Variants in MDGA2 observed in about 807,000 individuals in gnomAD.
MDGA2 encodes MAM domain containing glycosylphosphatidylinositol anchor 2.
In MDGA2, 40 loss-of-function variants were observed where a neutral mutation model predicts 117.8. The observed-to-expected ratio is 0.34, with a 90% CI of 0.26 to 0.44. MDGA2 has a LOEUF of 0.44. Among genes scored for constraint, MDGA2 ranks in the 20% least tolerant of loss-of-function variants. The pLI, the probability that MDGA2 is intolerant of heterozygous loss-of-function variation, is 1.00. For synonymous variants in MDGA2, 452 were observed against 439.0 expected, an observed-to-expected ratio of 1.03 and a Z score of -0.37; for missense variants, 1,123 against 1,250.6, an observed-to-expected ratio of 0.90 and a Z score of 1.54.
At chr14:47,425,288 G>C (rs1892664483) in intron 1 of MDGA2, among the ~76,000 whole-genome samples, 1 of 152,080 alleles carries the variant, frequency 6.6e-6, no homozygotes, top group African/African-American at 2.4e-5. Flanking sequence ...GGTAAAACAG[G>C]TTTTAAATAT....
intron 12 of MDGA2, among the ~76,000 whole-genome samples, chr14:46,876,837 T>A (rs557522325): frequency 6.6e-6 from 1 of 151,754 alleles, no homozygotes; most frequent in Non-Finnish European, 1.5e-5. Context: ...TTTTAGAATA[T>A]GTCTTCATAG....
chr14:47,582,556 A>C (rs1896248138), intron 1 of MDGA2, among the ~76,000 whole-genome samples: 1 of 151,906 alleles, frequency 6.6e-6, no homozygotes, highest in Admixed American at 6.6e-5. Flanking sequence ...TTTAGTGATT[A>C]TAATATTTTG....
intron 3 of MDGA2, among the ~76,000 whole-genome samples, chr14:47,149,178 T>C (rs1309963164): frequency 6.6e-6 from 1 of 152,074 alleles, no homozygotes; most frequent in African/African-American, 2.4e-5. Flanking sequence ...TAGTCCCAGC[T>C]AGTCAGGACG....
At chr14:47,049,121 T>C (rs1043642983) in intron 7 of MDGA2, among the ~76,000 whole-genome samples, 3 of 152,098 alleles carry the variant, frequency 2.0e-5, no homozygotes, top group African/African-American at 7.2e-5. Context: ...TAGAAAGCCA[T>C]GGTAAAAGTG....
At position 47,661,746 on chromosome 14, in the gene MDGA2, C is replaced by CTTTTTTT. The variant is rs1172717995; in HGVS notation, c.280+12764_280+12770dup. The stretch of plus-strand genomic sequence containing the variant: ...GCAAAAAACGAAGTAATCAGAGTTT[C>CTTTTTTT]TTTTTTTTTTTTTTTTTTTTTTGAG... On this transcript the variant is annotated intron_variant, in intron 1 of 16. Coordinates refer to ENST00000399232, the MANE Select transcript of MDGA2 (RefSeq NM_001113498.3). 1.1e-4 allele frequency among the ~76,000 whole-genome samples: 11 copies of CTTTTTTT among 97,208 alleles called. 1 individual carries two copies. The highest frequency in any genetic ancestry group is 4.0e-4 in the Admixed American group (3 of 7,492). 63.8% of individuals were successfully genotyped at this position (97,208 alleles called of 152,430 possible). A position where few individuals can be genotyped will look rare whatever the true frequency, so the allele number is the denominator to read the frequency against.
At chr14:47,357,503 T>G (rs183148745) in intron 1 of MDGA2, among the ~76,000 whole-genome samples, 2 of 152,328 alleles carry the variant, frequency 1.3e-5, no homozygotes, top group East Asian at 3.9e-4. Flanking sequence ...TACCTTCTGT[T>G]GCACCTGGGT....
At chr14:47,148,975 T>G (rs956517219) in intron 3 of MDGA2, among the ~76,000 whole-genome samples, 3 of 152,154 alleles carry the variant, frequency 2.0e-5, no homozygotes, top group Admixed American at 2.0e-4. Flanking sequence ...TTAGATATAT[T>G]TGAACAAGCC....
intron 7 of MDGA2, among the ~76,000 whole-genome samples, chr14:47,057,994 G>A (rs747480734): frequency 5.3e-5 from 8 of 152,024 alleles, no homozygotes; most frequent in Non-Finnish European, 1.0e-4. Context: ...TTACTTCCCT[G>A]AAATATTTTG....
intron 9 of MDGA2, among the ~76,000 whole-genome samples, chr14:46,924,003 T>C (rs1884231033): frequency 6.6e-6 from 1 of 152,066 alleles, no homozygotes; most frequent in Non-Finnish European, 1.5e-5. Flanking sequence ...TCCTATACTA[T>C]GTTGTTCCAA....
In MDGA2 at chr14:47,144,146, G is replaced by A. The variant is rs1259665243; in HGVS notation, c.724C>T (p.Arg242Cys). 5 of 1,551,160 alleles carry A rather than the reference G, an allele frequency of 3.2e-6. No homozygotes were observed. The highest frequency in any genetic ancestry group is 2.0e-5 in the Admixed American group (1 of 50,966). Reference sequence around the variant, plus strand: ...CCTTGCAGCAAGACCTCCTGGCCACGTCTCCAGCTATACCGAACAGGAGGA... The same window carrying A: ...CCTTGCAGCAAGACCTCCTGGCCACATCTCCAGCTATACCGAACAGGAGGA... ...SNPPVRYSWRRGQEVLLQGSD... is the reference protein window; with the variant it reads ...SNPPVRYSWRCGQEVLLQGSD... The change falls in exon 4 of 17, where the codon CGT becomes TGT. Residue 242 changes from arginine to cysteine, a missense_variant. Arg to Cys is a radical substitution (Grantham distance 180). Coordinates refer to ENST00000399232, the MANE Select transcript of MDGA2 (RefSeq NM_001113498.3).
chr14:47,553,092 C>T (rs558897986), intron 1 of MDGA2, among the ~76,000 whole-genome samples: 14 of 152,376 alleles, frequency 9.2e-5, no homozygotes, highest in African/African-American at 2.9e-4. Flanking sequence ...CGGCCCTAAC[C>T]TGAGGCGGCC....
At chr14:47,042,109 T>G (rs1321618686) in intron 7 of MDGA2, among the ~76,000 whole-genome samples, 8 of 152,006 alleles carry the variant, frequency 5.3e-5, no homozygotes, top group Non-Finnish European at 1.2e-4. Context: ...ATAAAAGATA[T>G]GTATGTTCTC....
chr14:47,665,597 C>A lies in MDGA2; in HGVS notation c.280+8920G>T, dbSNP rs1010017498. On this transcript the variant is annotated intron_variant, in intron 1 of 16. Transcript: ENST00000399232. The stretch of plus-strand genomic sequence containing the variant: ...TGGGCCAGCTGGAGTTCCGGGTGGG[C>A]GTGGGCTTGGCGGCCCTGCACTCGG... Among the ~76,000 whole-genome samples, 7 of 152,264 alleles carry A rather than the reference C, an allele frequency of 4.6e-5. No homozygotes were observed. The East Asian group carries it at 9.7e-4, about 21-fold the overall frequency.
At chr14:46,903,110 C>T (rs970855472) in intron 10 of MDGA2, among the ~76,000 whole-genome samples, 4 of 152,152 alleles carry the variant, frequency 2.6e-5, no homozygotes, top group African/African-American at 7.2e-5. Flanking sequence ...TGGCAGGAAT[C>T]CTTCTCATTT....
At chr14:47,275,321 T>C (rs1264367888) in intron 2 of MDGA2, among the ~76,000 whole-genome samples, 1 of 152,174 alleles carries the variant, frequency 6.6e-6, no homozygotes, top group Admixed American at 6.6e-5. Context: ...TACCATTATA[T>C]AGATTTTCTA....
At chr14:47,525,177 C>T (rs1414190042) in intron 1 of MDGA2, among the ~76,000 whole-genome samples, 1 of 152,214 alleles carries the variant, frequency 6.6e-6, no homozygotes, top group Non-Finnish European at 1.5e-5. Context: ...ATTGCCTTTT[C>T]ATCCTGACAA....
chr14:47,359,772 GA>G (rs943539843), intron 1 of MDGA2, among the ~76,000 whole-genome samples: 10 of 129,886 alleles, frequency 7.7e-5, no homozygotes, highest in Non-Finnish European at 1.5e-4. Context: ...AAAAAGAAAA[GA>G]AAAAAAAACA....
At chr14:47,108,486 A>C (rs1880851603) in intron 5 of MDGA2, among the ~76,000 whole-genome samples, 1 of 152,148 alleles carries the variant, frequency 6.6e-6, no homozygotes, top group African/African-American at 2.4e-5. Context: ...CCTTGCCTTA[A>C]CTGATGACAT....
intron 8 of MDGA2, among the ~76,000 whole-genome samples, chr14:46,979,650 T>A (rs1886594039): frequency 6.6e-6 from 1 of 152,176 alleles, no homozygotes; most frequent in African/African-American, 2.4e-5. Context: ...CCAGCCACAA[T>A]ATGCCCTTAA....
Sources: gnomAD v4.1 joint callset for allele counts (sites outside exome capture counted in the v4.1 genomes callset) on GRCh38, gnomAD v4.1.1 for gene constraint, MANE v1.5 for transcripts, NCBI Gene and HGNC (gene_info 2026-07-23, HGNC 2026-07-21) for gene names.